The following ST3GAL6 variants were observed in gnomAD, a reference collection of about 807,000 sequenced individuals.
ST3GAL6 encodes the protein ST3 beta-galactoside alpha-2,3-sialyltransferase 6, also known as type 2 lactosamine alpha-2,3-sialyltransferase.
A neutral mutation model predicts 40.5 loss-of-function variants in ST3GAL6; 31 were observed. That is an observed-to-expected ratio of 0.77 (90% confidence interval 0.58 to 1.03). The LOEUF (loss-of-function observed/expected upper bound fraction) is 1.03. Among genes scored for constraint, ST3GAL6 ranks in the 50% least tolerant of loss-of-function variants. ST3GAL6 has a pLI of 0.00. For missense variants in ST3GAL6, 357 were observed against 393.2 expected, an observed-to-expected ratio of 0.91 and a Z score of 0.78; for synonymous variants, 129 against 136.9, an observed-to-expected ratio of 0.94 and a Z score of 0.40.
At chr3:98,784,808 TGTAAGTCGCAGTTG>T (rs1389867606) in intron 5 of ST3GAL6, 123 bp from the exon 6 acceptor site, 23 of 642,498 alleles carry the variant, frequency 3.6e-5, no homozygotes, top group Non-Finnish European at 6.4e-5. Context: ...GCTCTAGACT[TGTAAGTCGCAGTTG>T]GTTCTTTTTC....
chr3:98,780,969 A>G (rs1446353284), intron 5 of ST3GAL6, among the ~76,000 whole-genome samples: 4 of 152,330 alleles, frequency 2.6e-5, no homozygotes, highest in South Asian at 4.1e-4. Context: ...TACCCAAAAG[A>G]TTATAAATCA....
rs1048331247 is a variant in ST3GAL6, at chr3:98,795,338, A to T, written c.*1577A>T. The T allele has an allele frequency of 6.6e-6, 1 of 152,230 alleles. No homozygotes were observed. The highest frequency in any genetic ancestry group is 1.5e-5 in the Non-Finnish European group (1 of 68,044). The allele number at this position is 152,230 out of a possible 1,614,324, so 9.4% of individuals were successfully genotyped here. On this transcript the variant is annotated 3_prime_UTR_variant, in exon 10 of 10. Coordinates refer to ENST00000483910, the MANE Select transcript of ST3GAL6 (RefSeq NM_001323368.2). Reference sequence around the variant, plus strand: ...AATACATTAGATTTGGCTCAGAAACAGAATGCGGTACTTATAAAGCAGAAT... The same window carrying T: ...AATACATTAGATTTGGCTCAGAAACTGAATGCGGTACTTATAAAGCAGAAT...
intron 5 of ST3GAL6, among the ~76,000 whole-genome samples, chr3:98,780,152 A>C (rs1171166847): frequency 6.6e-6 from 1 of 152,194 alleles, no homozygotes; most frequent in Non-Finnish European, 1.5e-5. Context: ...AGTATGGGGT[A>C]CTTGCTAGAG....
intron 8 of ST3GAL6, among the ~76,000 whole-genome samples, chr3:98,789,494 TTTC>T (rs1465958257): frequency 1.3e-5 from 2 of 152,164 alleles, no homozygotes; most frequent in African/African-American, 2.4e-5. Context: ...TTGTTGTTAT[TTTC>T]TTTTTTCTCT....
intron 1 of ST3GAL6, among the ~76,000 whole-genome samples, chr3:98,764,688 T>A (rs1938145498): frequency 6.6e-6 from 1 of 152,192 alleles, no homozygotes; most frequent in Non-Finnish European, 1.5e-5. Flanking sequence ...CTCAACAAAG[T>A]CGTTGCTTCT....
rs1941495710 is a variant in ST3GAL6 at position 98,794,994 on chromosome 3, A to AAGCTT, written c.*1234_*1238dup. ...TGATTAAAGCTAATCTTCAGATGGA[A>AAGCTT]AGCTTGCCTGGCTACCTAGGGTGCA... On this transcript the variant is annotated 3_prime_UTR_variant, in exon 10 of 10. Coordinates refer to ENST00000483910, the MANE Select transcript of ST3GAL6 (RefSeq NM_001323368.2). 1 of 152,210 alleles carries AAGCTT rather than the reference A, an allele frequency of 6.6e-6. No individual in the cohort carries two copies. Among genetic ancestry groups the AAGCTT allele is most frequent in the Admixed American group, 6.5e-5 (1 of 15,280 alleles). 9.4% of individuals were successfully genotyped at this position (152,210 alleles called of 1,614,324 possible). A position where few individuals can be genotyped will look rare whatever the true frequency, so the allele number is the denominator to read the frequency against.
intron 9 of ST3GAL6, among the ~76,000 whole-genome samples, chr3:98,792,686 T>C (rs950017328): frequency 2.7e-5 from 4 of 150,438 alleles, no homozygotes; most frequent in Non-Finnish European, 5.9e-5. Flanking sequence ...TTTTTTTTTT[T>C]TTTTTGTATT....
At chr3:98,749,907 C>G (rs1195311747) in intron 1 of ST3GAL6, among the ~76,000 whole-genome samples, 2 of 152,160 alleles carry the variant, frequency 1.3e-5, no homozygotes, top group Non-Finnish European at 2.9e-5. Flanking sequence ...AAGCAATAAA[C>G]GAGTACCTTC....
intron 5 of ST3GAL6, among the ~76,000 whole-genome samples, chr3:98,780,062 C>T (rs1188877161): frequency 6.6e-6 from 1 of 152,106 alleles, no homozygotes; most frequent in Admixed American, 6.5e-5. Context: ...AGTCATTGTT[C>T]CACACATAAA....
At chr3:98,792,048 A>G in intron 9 of ST3GAL6, 55 bp downstream of exon 9, 4 of 1,435,056 alleles carry the variant, frequency 2.8e-6, no homozygotes, top group Non-Finnish European at 3.7e-6. Flanking sequence ...TCTTTGAGGG[A>G]TGGAAAGCCC....
rs577299435 is a variant in ST3GAL6 at position 98,792,983 on chromosome 3, C to T, written c.910-692C>T. 1.6e-4 allele frequency among the ~76,000 whole-genome samples: 24 copies of T among 152,194 alleles called. 1 individual carries two copies. Among genetic ancestry groups the T allele is most frequent in the African/African-American group, 5.8e-4 (24 of 41,522 alleles). On this transcript the variant is annotated intron_variant, in intron 9 of 9. Transcript: ENST00000483910. Reference sequence around the variant, plus strand: ...TATGGATATATCTCATGAAATCAGTCCCCTTGAATCACCCCACTATATAAG... The same window carrying T: ...TATGGATATATCTCATGAAATCAGTTCCCTTGAATCACCCCACTATATAAG...
In ST3GAL6 at chr3:98,782,338, T is replaced by C. The variant is rs544260574; in HGVS notation, c.336-2607T>C. On this transcript the variant is annotated intron_variant, in intron 5 of 9. Coordinates refer to ENST00000483910, the MANE Select transcript of ST3GAL6 (RefSeq NM_001323368.2). Reference sequence around the variant, plus strand: ...CTAATTGATGTATGCAAGATGTAATTACAGCCATTGATAGGGAAAATATCA... The same window carrying C: ...CTAATTGATGTATGCAAGATGTAATCACAGCCATTGATAGGGAAAATATCA... 5.7e-6 allele frequency: 4 copies of C among 701,298 alleles called. No homozygotes were observed. The East Asian group carries it at 1.1e-4, about 19-fold the overall frequency. 43.4% of individuals were successfully genotyped at this position (701,298 alleles called of 1,614,324 possible).
At chr3:98,756,223 T>C (rs1251287886) in intron 1 of ST3GAL6, 1 of 569,714 alleles carries the variant, frequency 1.8e-6, no homozygotes, top group Admixed American at 3.4e-5. Context: ...GTTTGGTAAT[T>C]TCATCATCCT....
At position 98,763,555 on chromosome 3, in the gene ST3GAL6, G is replaced by T. The variant is rs72932663; in HGVS notation, c.-12+116G>T. On this transcript the variant is annotated intron_variant, in intron 1 of 9. Transcript: ENST00000483910. ...CTGTGTGGAGGTAGAAGGGGGATGT[G>T]CTTCTCTTATTTGCACAAAGATGTG... 6 of 959,452 alleles carry T rather than the reference G, an allele frequency of 6.3e-6. No individual in the cohort carries two copies. In the African/African-American group the frequency reaches 8.5e-5, roughly 14 times the overall value. 59.4% of individuals were successfully genotyped at this position (959,452 alleles called of 1,614,324 possible). A position where few individuals can be genotyped will look rare whatever the true frequency, so the allele number is the denominator to read the frequency against.
intron 2 of ST3GAL6, among the ~76,000 whole-genome samples, chr3:98,769,624 G>T (rs1177179996): frequency 6.6e-6 from 1 of 152,176 alleles, no homozygotes; most frequent in Non-Finnish European, 1.5e-5. Context: ...GCAGTCTTTT[G>T]TCATCAGGGT....
intron 1 of ST3GAL6, among the ~76,000 whole-genome samples, chr3:98,746,634 G>A (rs934397280): frequency 1.3e-5 from 2 of 152,052 alleles, no homozygotes; most frequent in African/African-American, 4.8e-5. Context: ...AACGTTAACA[G>A]TGAAAGAATT....
chr3:98,759,975 AAAAAC>A (rs773733959), upstream of ST3GAL6, among the ~76,000 whole-genome samples: 12 of 151,954 alleles, frequency 7.9e-5, no homozygotes, highest in Non-Finnish European at 1.8e-4. Flanking sequence ...ATTAAAAACA[AAAAAC>A]AAAAAACAAA....
chr3:98,732,964 G>C, intron 1 of ST3GAL6: 1 of 1,504,400 alleles, frequency 6.6e-7, no homozygotes, highest in Non-Finnish European at 8.8e-7. Flanking sequence ...CTGGGCCTCG[G>C]CGGGTCACTC....
At chr3:98,740,724 A>G (rs967921341) in intron 1 of ST3GAL6, among the ~76,000 whole-genome samples, 1 of 152,254 alleles carries the variant, frequency 6.6e-6, no homozygotes, top group Non-Finnish European at 1.5e-5. Context: ...AGTTTCTGCC[A>G]AATATCAAAT....
Sources: gnomAD v4.1 joint callset for allele counts (sites outside exome capture counted in the v4.1 genomes callset) on GRCh38, gnomAD v4.1.1 for gene constraint, MANE v1.5 for transcripts, NCBI Gene and HGNC (gene_info 2026-07-23, HGNC 2026-07-21) for gene names.